PXN: variants seen among roughly 807,000 people sequenced by gnomAD.
PXN encodes paxillin.
In PXN, 61 loss-of-function variants were observed where a neutral mutation model predicts 103.6. That is an observed-to-expected ratio of 0.59 (90% CI 0.48 to 0.73). The LOEUF (loss-of-function observed/expected upper bound fraction) is 0.73, where lower values mean the gene tolerates loss of function less well. Ranked by LOEUF, PXN falls within the 30% of genes least tolerant of loss-of-function variation. PXN has a pLI of 0.00. For missense variants in PXN, 1,274 were observed against 1,460.3 expected (o/e 0.87, Z 2.08); for synonymous variants, 562 against 607.8 (o/e 0.92, Z 1.11).
In PXN at chr12:120,217,945, A is replaced by T. The variant is rs1443468804; in HGVS notation, c.1717-829T>A. Among the ~76,000 whole-genome samples, 10 of 147,280 alleles carry T rather than the reference A, an allele frequency of 6.8e-5. No individual in the cohort carries two copies. Among genetic ancestry groups the T allele is most frequent in the Admixed American group, 6.8e-4 (10 of 14,808 alleles). ...TTTTTTTTTTCTTATTTATATTATT[A>T]TGCTAATATTATATTATGCTATTAT... On this transcript the variant is annotated intron_variant, in intron 7 of 14. Transcript: ENST00000637617. This position sits in a 1 kb window ranked among gnomAD's most constrained non-coding sequence, Gnocchi z 4.1.
At chr12:120,256,159 C>T (rs1892984994) in intron 1 of PXN, among the ~76,000 whole-genome samples, 3 of 152,020 alleles carry the variant, frequency 2.0e-5, no homozygotes, top group Admixed American at 2.0e-4. Context: ...ACTTATAATA[C>T]CAGCACTTTG....
intron 1 of PXN, among the ~76,000 whole-genome samples, chr12:120,245,406 T>G (rs559505895): frequency 1.3e-5 from 2 of 151,176 alleles, no homozygotes; most frequent in Admixed American, 6.6e-5. Context: ...CAACACGTTC[T>G]CAGACGAGAA....
At chr12:120,244,525 G>A (rs1323704649) in intron 1 of PXN, among the ~76,000 whole-genome samples, 1 of 152,072 alleles carries the variant, frequency 6.6e-6, no homozygotes, top group Non-Finnish European at 1.5e-5. Flanking sequence ...GCGGGCGCCT[G>A]TAGTCCCAGC....
chr12:120,264,683 G>A (rs1894402943), intron 1 of PXN, among the ~76,000 whole-genome samples: 1 of 152,236 alleles, frequency 6.6e-6, no homozygotes, highest in Admixed American at 6.5e-5. Flanking sequence ...GTGGCTTCCA[G>A]CAGGGCCTGA....
intron 1 of PXN, among the ~76,000 whole-genome samples, chr12:120,235,825 C>T (rs976956748): frequency 6.6e-6 from 1 of 152,180 alleles, no homozygotes; most frequent in Non-Finnish European, 1.5e-5. Flanking sequence ...CAAGTGTTTT[C>T]CCCCTGTGCT....
chr12:120,242,812 C>T (rs1359112574), intron 1 of PXN, among the ~76,000 whole-genome samples: 1 of 151,164 alleles, frequency 6.6e-6, no homozygotes, highest in Non-Finnish European at 1.5e-5. Context: ...ACCTGGGAGG[C>T]AGAGGTTGCA....
Position 120,215,835 on chromosome 12 carries a change from G to A in PXN, c.2302-174C>T, listed in dbSNP as rs1485094826. 3.1e-6 allele frequency: 4 copies of A among 1,286,880 alleles called. No homozygotes were observed. The African/African-American group carries it at 6.1e-5, about 20-fold the overall frequency. 79.7% of individuals were successfully genotyped at this position (1,286,880 alleles called of 1,614,324 possible). A position where few individuals can be genotyped will look rare whatever the true frequency, so the allele number is the denominator to read the frequency against. On this transcript the variant is annotated intron_variant, in intron 9 of 14. Transcript: ENST00000637617. This position sits in a 1 kb window ranked among gnomAD's most constrained non-coding sequence, Gnocchi z 4.9. Reference sequence around the variant, plus strand: ...GGAGAAAAAGAGCCCTGAGAGAGAGGCCTAGGGAGAAAGGAAGAAGGACAG... The same window carrying A: ...GGAGAAAAAGAGCCCTGAGAGAGAGACCTAGGGAGAAAGGAAGAAGGACAG...
intron 1 of PXN, among the ~76,000 whole-genome samples, chr12:120,253,224 G>A (rs1594518345): frequency 6.6e-6 from 1 of 152,156 alleles, no homozygotes; most frequent in African/African-American, 2.4e-5. Context: ...TGTAATCCCA[G>A]CTCTTTGGAA....
At chr12:120,252,810 A>T (rs1321453078) in intron 1 of PXN, among the ~76,000 whole-genome samples, 1 of 152,032 alleles carries the variant, frequency 6.6e-6, no homozygotes, top group East Asian at 1.9e-4. Context: ...AAAAGAAACG[A>T]CATGTAATGA....
At chr12:120,235,587 G>A (rs1037639321) in intron 1 of PXN, among the ~76,000 whole-genome samples, 2 of 152,016 alleles carry the variant, frequency 1.3e-5, no homozygotes, top group Admixed American at 1.3e-4. Flanking sequence ...CATCCCCAGA[G>A]CCCCCAGAGG....
intron 1 of PXN, chr12:120,226,901 T>C (rs1037637925): frequency 3.0e-6 from 3 of 992,398 alleles, no homozygotes; most frequent in African/African-American, 3.5e-5. Flanking sequence ...CAGACATCAG[T>C]TGCAAATATC....
rs770547365 is a variant in PXN, at chr12:120,219,237, G to T, written c.1686C>A (p.Ser562Arg). ...LPCAMAMGTP[S>R]TTERISTSGQ... ...CAGAGGTGGAAATCCTCTCCGTGGTGCTGGGTGTGCCCATGGCCATGGCAC... is the reference window on the plus strand; with the variant it reads ...CAGAGGTGGAAATCCTCTCCGTGGTTCTGGGTGTGCCCATGGCCATGGCAC... Residue 562 changes from serine to arginine, a missense_variant, in exon 7 of 15, where the codon AGC (serine) becomes AGA (arginine). Ser to Arg is a moderately radical substitution (Grantham distance 110). Transcript: ENST00000637617. The surrounding 1 kb of genome is among the most constrained non-coding windows in gnomAD (Gnocchi z 6.5). 1.3e-6 allele frequency: 2 copies of T among 1,592,166 alleles called. No individual in the cohort carries two copies. The highest frequency in any genetic ancestry group is 2.7e-5 in the African/African-American group (2 of 74,866).
rs552898686 is a variant in PXN, at chr12:120,253,338, T to C, written c.13+12279A>G. Among the ~76,000 whole-genome samples the C allele has an allele frequency of 1.6e-3, 240 of 152,254 alleles. 1 individual carries two copies. Among genetic ancestry groups the C allele is most frequent in the African/African-American group, 5.3e-3 (222 of 41,542 alleles). The stretch of plus-strand genomic sequence containing the variant: ...AAATATGAAAAGTAGCCAGGCATGA[T>C]GGCACACGCCTGTAGTCTCAGCTAC... On this transcript the variant is annotated intron_variant, in intron 1 of 14. Coordinates refer to ENST00000637617, the MANE Select transcript of PXN (RefSeq NM_001385981.1).
At chr12:120,223,139 G>A in intron 3 of PXN, 140 bp from the exon 4 acceptor site, 2 of 1,426,152 alleles carry the variant, frequency 1.4e-6, no homozygotes, top group Non-Finnish European at 1.9e-6. Context: ...GTAGGGAAGG[G>A]ATGTGGTAAG....
chr12:120,252,677 G>C (rs1025220245), intron 1 of PXN, among the ~76,000 whole-genome samples: 1 of 152,184 alleles, frequency 6.6e-6, no homozygotes, highest in Non-Finnish European at 1.5e-5. Flanking sequence ...GTAGGAATAT[G>C]TGTGAGGCAA....
intron 1 of PXN, among the ~76,000 whole-genome samples, chr12:120,253,308 A>C (rs1242320479): frequency 6.6e-6 from 1 of 152,138 alleles, no homozygotes; most frequent in Non-Finnish European, 1.5e-5. Context: ...CCCCGTCTCT[A>C]CTAAAAATAT....
intron 1 of PXN, among the ~76,000 whole-genome samples, chr12:120,236,692 G>A (rs1194295976): frequency 2.0e-5 from 3 of 152,078 alleles, no homozygotes; most frequent in Non-Finnish European, 2.9e-5. Context: ...GGCCAGGCTG[G>A]TCTTGAACTC....
rs1251786020 is a variant in PXN, at chr12:120,214,608, T to C, written c.2748+217A>G. Among the ~76,000 whole-genome samples, 3 of 152,074 alleles carry C rather than the reference T, an allele frequency of 2.0e-5. No individual in the cohort carries two copies. The highest frequency in any genetic ancestry group is 7.2e-5 in the African/African-American group (3 of 41,404). On this transcript the variant is annotated intron_variant, in intron 12 of 14. Coordinates refer to ENST00000637617, the MANE Select transcript of PXN (RefSeq NM_001385981.1). The surrounding 1 kb of genome is among the most constrained non-coding windows in gnomAD (Gnocchi z 5.0). Reference sequence around the variant, plus strand: ...TCCTGGGAGTCTCCACAGAAAGGAATCGAGATGGGAGGTGAAGGGAGGTGG... The same window carrying C: ...TCCTGGGAGTCTCCACAGAAAGGAACCGAGATGGGAGGTGAAGGGAGGTGG...
rs908103522 is a variant in PXN at position 120,220,327 on chromosome 12, G to C, written c.832-236C>G. ...AAGCAGCCACCAAGCCGTGCCTGTGGAGCCACCCAGGGAGGGTATGAGAAA... is the reference window on the plus strand; with the variant it reads ...AAGCAGCCACCAAGCCGTGCCTGTGCAGCCACCCAGGGAGGGTATGAGAAA... On this transcript the variant is annotated intron_variant, in intron 6 of 14. Transcript: ENST00000637617. This position sits in a 1 kb window ranked among gnomAD's most constrained non-coding sequence, Gnocchi z 6.1. Among the ~76,000 whole-genome samples, 1 of 152,178 alleles carries C rather than the reference G, an allele frequency of 6.6e-6. No homozygotes were observed. The highest frequency in any genetic ancestry group is 2.4e-5 in the African/African-American group (1 of 41,446).
Sources: gnomAD v4.1 joint callset for allele counts (sites outside exome capture counted in the v4.1 genomes callset) on GRCh38, gnomAD v4.1.1 for gene constraint, Gnocchi (gnomAD v3.1) non-coding constraint, MANE v1.5 for transcripts, NCBI Gene and HGNC (gene_info 2026-07-23, HGNC 2026-07-21) for gene names.